VPS13B: variants seen among roughly 807,000 people sequenced by gnomAD.
The protein encoded by VPS13B is vacuolar protein sorting 13 homolog B, also known as intermembrane lipid transfer protein VPS13B.
VPS13B carries 285 observed loss-of-function variants against 426.4 expected under a neutral mutation model. That is an observed-to-expected ratio of 0.67 (90% CI 0.61 to 0.74). The LOEUF (loss-of-function observed/expected upper bound fraction) is 0.74. VPS13B is among the 30% of genes least tolerant of loss of function. VPS13B has a pLI of 0.00. For synonymous variants in VPS13B, 1,676 were observed against 1,676.4 expected (o/e 1.00, Z 0.01); for missense variants, 4,537 against 4,782.6 (o/e 0.95, Z 1.51).
At position 99,875,876 on chromosome 8, in the gene VPS13B, C is replaced by A; in HGVS notation, c.*210C>A. On this transcript the variant is annotated 3_prime_UTR_variant, in exon 62 of 62. Coordinates refer to ENST00000357162, the MANE Select transcript of VPS13B (RefSeq NM_152564.5). ...AAAGGGCTGCATTTTTTTAAAAAGC[C>A]TAGGCAGCTCTAACATCATCTGATA... 1 of 607,650 alleles carries A rather than the reference C, an allele frequency of 1.6e-6. No individual in the cohort carries two copies. The highest frequency in any genetic ancestry group is 2.9e-6 in the Non-Finnish European group (1 of 348,448). 37.6% of individuals were successfully genotyped at this position (607,650 alleles called of 1,614,324 possible).
intron 33 of VPS13B, among the ~76,000 whole-genome samples, chr8:99,631,159 A>G (rs1378463793): frequency 5.3e-5 from 8 of 152,020 alleles, no homozygotes; most frequent in Non-Finnish European, 2.9e-5. Context: ...CCCTTCTCCA[A>G]TTTATCTCAA....
chr8:99,841,801 T>C (rs1301426837), intron 54 of VPS13B, among the ~76,000 whole-genome samples: 5 of 152,206 alleles, frequency 3.3e-5, no homozygotes, highest in African/African-American at 1.2e-4. Flanking sequence ...TTCAGGCCTT[T>C]GGTTCATCAT....
At chr8:99,309,232 A>T (rs184023940) in intron 19 of VPS13B, among the ~76,000 whole-genome samples, 89 of 151,988 alleles carry the variant, frequency 5.9e-4, no homozygotes, top group African/African-American at 2.1e-3. Flanking sequence ...TTGCTTTTGG[A>T]GTTTTAGATA....
chr8:99,253,571 T>C (rs2132928857), intron 17 of VPS13B, among the ~76,000 whole-genome samples: 1 of 152,310 alleles, frequency 6.6e-6, no homozygotes, highest in Non-Finnish European at 1.5e-5. Context: ...TTGATGTTTA[T>C]ATAATCTACT....
intron 2 of VPS13B, among the ~76,000 whole-genome samples, chr8:99,037,222 T>C (rs1842784531): frequency 6.6e-6 from 1 of 152,016 alleles, no homozygotes; most frequent in African/African-American, 2.4e-5. Context: ...AATTGTAACA[T>C]TCCATTAGCA....
chr8:99,776,365 G>A (rs1013284483), intron 40 of VPS13B, among the ~76,000 whole-genome samples: 5 of 152,180 alleles, frequency 3.3e-5, no homozygotes, highest in African/African-American at 9.7e-5. Flanking sequence ...ATTCCAGGCT[G>A]GAATGCAGTG....
At chr8:99,342,643 C>T (rs79704816) in intron 19 of VPS13B, among the ~76,000 whole-genome samples, 11 of 152,118 alleles carry the variant, frequency 7.2e-5, no homozygotes, top group Non-Finnish European at 1.3e-4. Flanking sequence ...TCAGTTTATC[C>T]GTTGATAGCC....
At chr8:99,671,493 T>A (rs1235274577) in intron 35 of VPS13B, among the ~76,000 whole-genome samples, 1 of 152,202 alleles carries the variant, frequency 6.6e-6, no homozygotes, top group Non-Finnish European at 1.5e-5. Flanking sequence ...GTAATCCTAT[T>A]TTTGCTTTTG....
rs190791961 is a variant in VPS13B at position 99,051,266 on chromosome 8, G to C, written c.291+12700G>C. On this transcript the variant is annotated intron_variant, in intron 3 of 61. Coordinates refer to ENST00000357162, the MANE Select transcript of VPS13B (RefSeq NM_152564.5). The stretch of plus-strand genomic sequence containing the variant: ...TACATATGGCTAGCCAGTTTTCCCA[G>C]CACCATTTATTAAATAGGGAATCGT... 8.7e-4 allele frequency among the ~76,000 whole-genome samples: 132 copies of C among 152,216 alleles called. 2 individuals are homozygous for C. The highest frequency in any genetic ancestry group is 7.7e-3 in the Admixed American group (117 of 15,284).
chr8:99,536,720 A>C (rs752501838), intron 30 of VPS13B: 18 of 534,228 alleles, frequency 3.4e-5, no homozygotes, highest in Non-Finnish European at 5.8e-5. Flanking sequence ...CACTGTGGAC[A>C]GCATGTCTTT....
At chr8:99,051,664 A>G (rs1843560856) in intron 3 of VPS13B, among the ~76,000 whole-genome samples, 1 of 152,218 alleles carries the variant, frequency 6.6e-6, no homozygotes, top group Non-Finnish European at 1.5e-5. Flanking sequence ...ACCCATGAGC[A>G]TGCAATGTTC....
intron 21 of VPS13B, among the ~76,000 whole-genome samples, chr8:99,425,557 G>A (rs1208653899): frequency 6.6e-6 from 1 of 152,058 alleles, no homozygotes; most frequent in Non-Finnish European, 1.5e-5. Flanking sequence ...GTATTCATGG[G>A]ATGTATCTCA....
At chr8:99,151,037 C>G (rs1811050301) in intron 14 of VPS13B, among the ~76,000 whole-genome samples, 1 of 152,198 alleles carries the variant, frequency 6.6e-6, no homozygotes, top group African/African-American at 2.4e-5. Context: ...ACATCCCTAC[C>G]AACATTTGAT....
At chr8:99,552,226 A>G (rs977317045) in intron 30 of VPS13B, among the ~76,000 whole-genome samples, 1 of 151,776 alleles carries the variant, frequency 6.6e-6, no homozygotes, top group African/African-American at 2.4e-5. Context: ...TACTTTGAAG[A>G]TGCTTTTTTA....
chr8:99,808,508 C>CAAA (rs758638504), intron 43 of VPS13B, among the ~76,000 whole-genome samples: 12 of 64,940 alleles, frequency 1.8e-4, no homozygotes, highest in East Asian at 5.0e-4. Context: ...GAGCGAGACT[C>CAAA]AAAAAAAAAA....
intron 9 of VPS13B, 95 bp from the exon 10 acceptor site, chr8:99,134,920 A>C: frequency 6.9e-7 from 1 of 1,447,296 alleles, no homozygotes; most frequent in Admixed American, 1.8e-5. Flanking sequence ...CATAATTCTA[A>C]AGATGTTTAA....
intron 36 of VPS13B, among the ~76,000 whole-genome samples, chr8:99,713,582 T>TAG (rs536904814): frequency 7.6e-4 from 116 of 152,214 alleles, no homozygotes; most frequent in African/African-American, 2.5e-3. Flanking sequence ...TACCAGTGGA[T>TAG]AGAGAGAGAG....
At chr8:99,417,291 G>A (rs942955707) in intron 21 of VPS13B, among the ~76,000 whole-genome samples, 5 of 152,052 alleles carry the variant, frequency 3.3e-5, no homozygotes, top group African/African-American at 1.2e-4. Context: ...CTATTGAAAG[G>A]CGAACATAAA....
At chr8:99,140,657 C>T (rs1452015355) in intron 12 of VPS13B, among the ~76,000 whole-genome samples, 2 of 138,854 alleles carry the variant, frequency 1.4e-5, no homozygotes, top group Admixed American at 1.5e-4. Flanking sequence ...GCCTTCCTCC[C>T]CCTCCTCCCC....
Sources: allele counts gnomAD v4.1 joint callset (sites outside exome capture counted in the v4.1 genomes callset), GRCh38; gene constraint gnomAD v4.1.1; transcripts MANE v1.5; gene names NCBI Gene and HGNC (gene_info 2026-07-23, HGNC 2026-07-21).